Variants in SHB observed in about 807,000 individuals in gnomAD.
SHB encodes SH2 domain-containing adapter protein B.
In SHB, 20 loss-of-function variants were observed where a neutral mutation model predicts 52.3. The observed-to-expected ratio is 0.38, with a 90% CI of 0.27 to 0.56. The LOEUF (loss-of-function observed/expected upper bound fraction) is 0.56, where lower values mean the gene tolerates loss of function less well. SHB is among the 20% of genes least tolerant of loss of function. The pLI is 0.71. For synonymous variants in SHB, 397 were observed against 316.5 expected (o/e 1.25, Z -2.70); for missense variants, 825 against 723.3 (o/e 1.14, Z -1.61).
rs371237379 is a variant in SHB, at chr9:37,946,540, G to A, written c.1346+2095C>T. The stretch of plus-strand genomic sequence containing the variant: ...ATACTCAATAGGCTGCTGTTCCCTC[G>A]AAGGCAGGTCTGCACTGGAGTCACC... On this transcript the variant is annotated intron_variant, in intron 5 of 5. Coordinates refer to ENST00000377707, the MANE Select transcript of SHB (RefSeq NM_003028.3). Among the ~76,000 whole-genome samples the A allele has an allele frequency of 2.0e-5, 3 of 152,158 alleles. No individual in the cohort carries two copies. In the South Asian group the frequency reaches 6.2e-4, roughly 32 times the overall value.
intron 1 of SHB, among the ~76,000 whole-genome samples, chr9:38,040,186 T>C (rs1352100158): frequency 6.6e-6 from 1 of 152,062 alleles, no homozygotes; most frequent in Non-Finnish European, 1.5e-5. Context: ...AGCTGAACAT[T>C]AGGTTCAGAG....
At chr9:37,988,081 A>G (rs1389999689) in intron 2 of SHB, among the ~76,000 whole-genome samples, 1 of 152,240 alleles carries the variant, frequency 6.6e-6, no homozygotes, top group Non-Finnish European at 1.5e-5. Context: ...CAATGTGCCC[A>G]GTGCCCAGCA....
At chr9:38,052,900 T>C (rs1821768940) in intron 1 of SHB, among the ~76,000 whole-genome samples, 1 of 152,214 alleles carries the variant, frequency 6.6e-6, no homozygotes, top group Non-Finnish European at 1.5e-5. Context: ...AGATCCTCCT[T>C]ATGCATGAAG....
intron 2 of SHB, among the ~76,000 whole-genome samples, chr9:38,003,294 T>C (rs1215506222): frequency 6.6e-6 from 1 of 152,016 alleles, no homozygotes. Context: ...CCTTGGGTTC[T>C]GTCCTAGGCT....
chr9:37,999,620 C>T (rs775984751), intron 2 of SHB, among the ~76,000 whole-genome samples: 1 of 152,052 alleles, frequency 6.6e-6, no homozygotes, highest in Non-Finnish European at 1.5e-5. Context: ...GAGTGGAGGT[C>T]TGACAGAGAC....
intron 3 of SHB, among the ~76,000 whole-genome samples, chr9:37,971,218 C>T (rs1015375644): frequency 4.6e-5 from 7 of 152,212 alleles, no homozygotes; most frequent in Non-Finnish European, 1.0e-4. Flanking sequence ...CACACCCACA[C>T]ACATGCAGAT....
intron 2 of SHB, chr9:38,015,614 G>A: frequency 1.7e-6 from 1 of 604,034 alleles, no homozygotes; most frequent in East Asian, 2.8e-5. Context: ...AAAGCCAGGT[G>A]ACCCAGCCTG....
chr9:37,948,195 G>A (rs1178239350), intron 5 of SHB, among the ~76,000 whole-genome samples: 1 of 152,176 alleles, frequency 6.6e-6, no homozygotes, highest in Non-Finnish European at 1.5e-5. Flanking sequence ...AGAGAGTCAT[G>A]GGCTGGTCAC....
chr9:37,921,175 C>T (rs1237743114), intron 5 of SHB, among the ~76,000 whole-genome samples: 3 of 152,180 alleles, frequency 2.0e-5, no homozygotes, highest in African/African-American at 7.2e-5. Context: ...TCCACTTTAT[C>T]GGGTGTCTGT....
At chr9:38,000,617 G>C (rs1022015815) in intron 2 of SHB, among the ~76,000 whole-genome samples, 2 of 152,240 alleles carry the variant, frequency 1.3e-5, no homozygotes, top group Non-Finnish European at 2.9e-5. Flanking sequence ...TGTCTGCAAC[G>C]CTGGGCTAAC....
intron 1 of SHB, among the ~76,000 whole-genome samples, chr9:38,038,747 C>A (rs1173982856): frequency 6.6e-6 from 1 of 152,154 alleles, no homozygotes; most frequent in East Asian, 1.9e-4. Flanking sequence ...GCTTCCCAGG[C>A]CAACCAATGA....
chr9:38,014,116 C>A (rs1410044238), intron 2 of SHB, among the ~76,000 whole-genome samples: 2 of 152,288 alleles, frequency 1.3e-5, no homozygotes, highest in Admixed American at 1.3e-4. Context: ...TGTACTCTGC[C>A]ATCAATTCAC....
intron 1 of SHB, among the ~76,000 whole-genome samples, chr9:38,029,476 C>T (rs1459446081): frequency 6.6e-6 from 1 of 151,952 alleles, no homozygotes; most frequent in Non-Finnish European, 1.5e-5. Context: ...CATGGGGTTG[C>T]TATGAGATTT....
chr9:37,938,604 C>T (rs146579423), intron 5 of SHB, among the ~76,000 whole-genome samples: 238 of 152,306 alleles, frequency 1.6e-3, no homozygotes, highest in Middle Eastern at 6.8e-3. Flanking sequence ...TCCCTGGTGG[C>T]GGAGCCGCAC....
At chr9:38,054,434 C>T (rs1821786539) in intron 1 of SHB, among the ~76,000 whole-genome samples, 1 of 152,238 alleles carries the variant, frequency 6.6e-6, no homozygotes, top group Admixed American at 6.5e-5. Context: ...GTTCCCCATC[C>T]AGTCACATGC....
chr9:37,976,176 C>G (rs956179139), intron 2 of SHB, among the ~76,000 whole-genome samples: 9 of 152,250 alleles, frequency 5.9e-5, no homozygotes, highest in Admixed American at 5.2e-4. Context: ...GCTAGGAGCA[C>G]AAATGTGCAC....
chr9:37,942,040 C>T (rs908799582), intron 5 of SHB, among the ~76,000 whole-genome samples: 10 of 152,218 alleles, frequency 6.6e-5, no homozygotes, highest in Admixed American at 6.5e-4. Flanking sequence ...GACATGCCTA[C>T]TGTTTGAAAA....
chr9:37,955,188 G>A (rs889302464), intron 4 of SHB, among the ~76,000 whole-genome samples: 3 of 152,306 alleles, frequency 2.0e-5, no homozygotes, highest in South Asian at 2.1e-4. Flanking sequence ...TTTTTCCAAG[G>A]ACTTATTTGC....
At chr9:38,033,898 T>G (rs1395602782) in intron 1 of SHB, among the ~76,000 whole-genome samples, 5 of 152,008 alleles carry the variant, frequency 3.3e-5, no homozygotes, top group African/African-American at 1.2e-4. Context: ...AAGGGGGAGG[T>G]GGCTTGGGTT....
Sources: allele counts gnomAD v4.1 joint callset (sites outside exome capture counted in the v4.1 genomes callset), GRCh38; gene constraint gnomAD v4.1.1; transcripts MANE v1.5; gene names NCBI Gene and HGNC (gene_info 2026-07-23, HGNC 2026-07-21).